Variants in PHB2 observed in about 807,000 individuals in gnomAD.
PHB2 encodes the protein prohibitin-2.
A neutral mutation model predicts 46.4 loss-of-function variants in PHB2; 22 were observed. The ratio of observed to expected loss-of-function variants is 0.47; its 90% CI spans 0.34 to 0.68. PHB2 has a LOEUF of 0.68. Among genes scored for constraint, PHB2 ranks in the 30% least tolerant of loss-of-function variants. The pLI is 0.01. For missense variants in PHB2, 305 were observed against 382.8 expected (o/e 0.80, Z 1.70); for synonymous variants, 156 against 150.5 (o/e 1.04, Z -0.27).
rs782592670 is a variant in PHB2 at position 6,970,295 on chromosome 12, G to A, written c.128-15C>T. On this transcript the variant is annotated splice_polypyrimidine_tract_variant and intron_variant, in intron 1 of 9. Transcript: ENST00000535923. The stretch of plus-strand genomic sequence containing the variant: ...CCCGCCTTCCACTGTGGGGAGATGG[G>A]TGGTGATCAGGCCAGGCCGCTGCTC... 3.7e-6 allele frequency: 6 copies of A among 1,611,822 alleles called. No individual in the cohort carries two copies. Among genetic ancestry groups the A allele is most frequent in the Non-Finnish European group, 5.1e-6 (6 of 1,178,732 alleles).
chr12:6,967,531 CTG>C lies in PHB2; in HGVS notation c.711+143_711+144del, dbSNP rs782139801. 2.2e-6 allele frequency: 2 copies of C among 905,262 alleles called. No homozygotes were observed. The allele number at this position is 905,262 out of a possible 1,614,324, so 56.1% of individuals were successfully genotyped here. A position where few individuals can be genotyped will look rare whatever the true frequency, so the allele number is the denominator to read the frequency against. On this transcript the variant is annotated intron_variant, in intron 6 of 9. Coordinates refer to ENST00000535923, the MANE Select transcript of PHB2 (RefSeq NM_001144831.2). This position sits in a 1 kb window ranked among gnomAD's most constrained non-coding sequence, Gnocchi z 4.9. ...CTACCACTAAGATTTCAGATCTCAT[CTG>C]TAGTCCCCACCCCCAACAAGGAGCC... is the stretch of plus-strand genomic sequence containing the variant.
At chr12:6,970,109 G>C (rs1555151767) in intron 2 of PHB2, 87 bp downstream of exon 2, 2 of 988,344 alleles carry the variant, frequency 2.0e-6, no homozygotes, top group Non-Finnish European at 3.2e-6. Flanking sequence ...GAGCAGCGTT[G>C]AATCCTGTTG....
upstream of PHB2, chr12:6,970,688 C>G: frequency 9.5e-7 from 1 of 1,047,272 alleles, no homozygotes; most frequent in Non-Finnish European, 1.4e-6. Context: ...AGTGCGCTCC[C>G]TTTGAAACCC....
At position 6,969,526 on chromosome 12, in the gene PHB2, T is replaced by C; in HGVS notation, c.264A>G (p.Arg88=). 6.2e-7 allele frequency: 1 copy of C among 1,609,096 alleles called. No individual in the cohort carries two copies. Among genetic ancestry groups the C allele is most frequent in the Non-Finnish European group, 8.5e-7 (1 of 1,176,022 alleles). ...TGGAGCCTGTAGGGGAGGAGATTTT[T>C]CGAGGTCTGGCCCGAATGTCATAGA... The part of the protein sequence containing the change: ...PIIYDIRARP[R]KISSPTGSKD... The change falls in exon 3 of 10, where the codon CGA becomes CGG. Residue 88 remains arginine, a synonymous_variant. Transcript: ENST00000535923.
chr12:6,970,351 G>C lies in PHB2; in HGVS notation c.127+66C>G, dbSNP rs1282485916. On this transcript the variant is annotated intron_variant, in intron 1 of 9. Coordinates refer to ENST00000535923, the MANE Select transcript of PHB2 (RefSeq NM_001144831.2). ...AAATGCTAGGCCCGTGGAGGGGCGC[G>C]GGGACAGGGCAAGGGGTTTGGGGGA... 3.1e-6 allele frequency: 5 copies of C among 1,603,510 alleles called. No homozygotes were observed. In the East Asian group the frequency reaches 1.1e-4, roughly 36 times the overall value.
rs1555150667 is a variant in PHB2 at position 6,965,717 on chromosome 12, AG to A, written c.873-6del. The A allele has an allele frequency of 1.8e-5, 29 of 1,610,336 alleles. No individual in the cohort carries two copies. The highest frequency in any genetic ancestry group is 2.3e-5 in the Non-Finnish European group (27 of 1,177,156). ...TTACCCTTGATGAGGCTGTCACTGT[AG>A]GAAAAAAAAGATAGATAATGACATT... On this transcript the variant is annotated splice_region_variant and splice_polypyrimidine_tract_variant and intron_variant, in intron 9 of 9. Transcript: ENST00000535923.
At chr12:6,966,731 C>A (rs782505101) in intron 7 of PHB2, among the ~76,000 whole-genome samples, 1 of 152,050 alleles carries the variant, frequency 6.6e-6, no homozygotes, top group Non-Finnish European at 1.5e-5. Flanking sequence ...GGAGGAGTAT[C>A]GGAGAAGCCA....
Position 6,967,044 on chromosome 12 carries a change from G to T in PHB2, c.789+127C>A, listed in dbSNP as rs1410163513. On this transcript the variant is annotated intron_variant, in intron 7 of 9. Transcript: ENST00000535923. This position sits in a 1 kb window ranked among gnomAD's most constrained non-coding sequence, Gnocchi z 4.9. ...GATTACATGCGTGAGCCACCGCGCC[G>T]GCCAGAGAAGCCAATCTGAGTAGAA... 4 of 819,516 alleles carry T rather than the reference G, an allele frequency of 4.9e-6. No individual in the cohort carries two copies. The African/African-American group carries it at 5.1e-5, about 10-fold the overall frequency. 50.8% of individuals were successfully genotyped at this position (819,516 alleles called of 1,614,324 possible).
At chr12:6,966,745 T>A (rs1187847141) in intron 7 of PHB2, among the ~76,000 whole-genome samples, 2 of 152,048 alleles carry the variant, frequency 1.3e-5, no homozygotes, top group African/African-American at 4.8e-5. Flanking sequence ...GAAGCCAATT[T>A]TTTATTTATT....
In PHB2 at chr12:6,970,201, G is replaced by A; in HGVS notation, c.207C>T (p.His69=). Reference sequence around the variant, plus strand: ...CAGGCTCTGCCCGCCATTACCTGAAGTGAAGGCCCTCGGCCAGGATAGTGT... The same window carrying A: ...CAGGCTCTGCCCGCCATTACCTGAAATGAAGGCCCTCGGCCAGGATAGTGT... The part of the protein sequence containing the change: ...QQDTILAEGL[H]FRIPWFQYPI... Residue 69 remains histidine (H), a synonymous_variant, in exon 2 of 10, where the codon CAC becomes CAT. Transcript: ENST00000535923. 1.2e-6 allele frequency: 2 copies of A among 1,612,750 alleles called. No homozygotes were observed. Among genetic ancestry groups the A allele is most frequent in the Non-Finnish European group, 1.7e-6 (2 of 1,178,940 alleles).
intron 3 of PHB2, among the ~76,000 whole-genome samples, chr12:6,969,110 C>T (rs1371924568): frequency 6.6e-6 from 1 of 151,890 alleles, no homozygotes; most frequent in Admixed American, 6.6e-5. Flanking sequence ...TATGTATGGT[C>T]TAGAAGGAGA....
intron 3 of PHB2, among the ~76,000 whole-genome samples, chr12:6,969,028 C>G (rs1354478288): frequency 4.6e-5 from 7 of 152,100 alleles, no homozygotes; most frequent in Non-Finnish European, 8.8e-5. Flanking sequence ...GGTGAGCTAC[C>G]TGACCCAGGG....
Position 6,969,510 on chromosome 12 carries a change from T to C in PHB2, c.280A>G (p.Thr94Ala), listed in dbSNP as rs1555151562. The C allele has an allele frequency of 1.3e-6, 2 of 1,598,592 alleles. No individual in the cohort carries two copies. Among genetic ancestry groups the C allele is most frequent in the Non-Finnish European group, 1.7e-6 (2 of 1,167,024 alleles). Residue 94 changes from threonine (T) to alanine (A), a missense_variant, in exon 3 of 10, where the codon ACA (threonine) becomes GCA (alanine). Physicochemically the swap from Thr to Ala is moderately conservative, Grantham distance 58. This residue lies in a region of PHB2 where 241 missense variants were observed against 302.7 expected (regional missense o/e 0.80). Coordinates refer to ENST00000535923, the MANE Select transcript of PHB2 (RefSeq NM_001144831.2). ...RARPRKISSP[T>A]GSKDLQMVNI... ...TGCTCAGACCTACCTTTGGAGCCTG[T>C]AGGGGAGGAGATTTTTCGAGGTCTG...
intron 3 of PHB2, 43 bp downstream of exon 3, chr12:6,969,455 G>C (rs782543885): frequency 1.8e-6 from 2 of 1,120,060 alleles, no homozygotes; most frequent in Middle Eastern, 2.1e-4. Flanking sequence ...CAGCTACCTT[G>C]ATCATCCCAC....
At chr12:6,965,746 T>G (rs376385595) in intron 9 of PHB2, 34 bp from the exon 10 acceptor site, 30 of 1,597,732 alleles carry the variant, frequency 1.9e-5, no homozygotes, top group Admixed American at 1.2e-4. Flanking sequence ...ATGACATTAT[T>G]AGGGGACATA....
At chr12:6,969,628 G>A (rs1255478961) in intron 2 of PHB2, 51 bp from the exon 3 acceptor site, 2 of 1,056,464 alleles carry the variant, frequency 1.9e-6, no homozygotes, top group African/African-American at 1.6e-5. Context: ...GGCCGGGCGC[G>A]GTGGCTCACG....
chr12:6,966,423 C>G lies in PHB2; in HGVS notation c.866+1G>C. 1 of 1,588,366 alleles carries G rather than the reference C, an allele frequency of 6.3e-7. No homozygotes were observed. The highest frequency in any genetic ancestry group is 8.6e-7 in the Non-Finnish European group (1 of 1,156,542). On this transcript the variant is annotated splice_donor_variant, in intron 8 of 9. Coordinates refer to ENST00000535923, the MANE Select transcript of PHB2 (RefSeq NM_001144831.2). LOFTEE classifies it high-confidence loss of function. ...CCCCACAGTGTGGCCACATCTCTCA[C>G]CTGGTGAAACTTTCATCCTGTAGGT...
chr12:6,968,028 G>GC lies in PHB2; in HGVS notation c.478-8dup. On this transcript the variant is annotated splice_region_variant and splice_polypyrimidine_tract_variant and intron_variant, in intron 4 of 9. Coordinates refer to ENST00000535923, the MANE Select transcript of PHB2 (RefSeq NM_001144831.2). The stretch of plus-strand genomic sequence containing the variant: ...GGCGGATCAACAGGGATACCTGAGG[G>GC]CAGGGGTGAAGAGGGGAAGGGAGGG... 1 of 1,594,584 alleles carries GC rather than the reference G, an allele frequency of 6.3e-7. No individual in the cohort carries two copies. The highest frequency in any genetic ancestry group is 8.6e-7 in the Non-Finnish European group (1 of 1,166,350).
rs181101503 is a variant in PHB2 at position 6,967,089 on chromosome 12, G to A, written c.789+82C>T. 4.3e-3 allele frequency: 5,048 copies of A among 1,183,356 alleles called. 105 individuals carry two copies. The highest frequency in any genetic ancestry group is 0.04 in the South Asian group (3,067 of 76,528). 73.3% of individuals were successfully genotyped at this position (1,183,356 alleles called of 1,614,324 possible). On this transcript the variant is annotated intron_variant, in intron 7 of 9. Coordinates refer to ENST00000535923, the MANE Select transcript of PHB2 (RefSeq NM_001144831.2). This position sits in a 1 kb window ranked among gnomAD's most constrained non-coding sequence, Gnocchi z 4.9. ...GTAGAAACCGGAACAAGCAAGGTTC[G>A]AATTCCCTCACCTCAATGTGCCTTA...
Sources: allele counts gnomAD v4.1 joint callset (sites outside exome capture counted in the v4.1 genomes callset), GRCh38; gene constraint gnomAD v4.1.1; regional missense constraint gnomAD v4.1.1; non-coding constraint Gnocchi (gnomAD v3.1); transcripts MANE v1.5; gene names NCBI Gene and HGNC (gene_info 2026-07-23, HGNC 2026-07-21).